Variants in RIT2 observed in about 807,000 individuals in gnomAD.
RIT2 encodes Ras like without CAAX 2.
A neutral mutation model predicts 23.7 loss-of-function variants in RIT2; 24 were observed. That is an observed-to-expected ratio of 1.01 (90% CI 0.73 to 1.43). The LOEUF (loss-of-function observed/expected upper bound fraction) is 1.43, where lower values mean the gene tolerates loss of function less well. Among genes scored for constraint, RIT2 ranks in the 40% most tolerant of loss-of-function variants. The pLI is 0.00. For synonymous variants in RIT2, 107 were observed against 91.1 expected, an observed-to-expected ratio of 1.17 and a Z score of -0.99; for missense variants, 236 against 266.9, an observed-to-expected ratio of 0.88 and a Z score of 0.81.
In RIT2 at chr18:42,911,120, A is replaced by G. The variant is rs77614001; in HGVS notation, c.426+12452T>C. On this transcript the variant is annotated intron_variant, in intron 4 of 4. Transcript: ENST00000326695. The stretch of plus-strand genomic sequence containing the variant: ...CAATGTATCAAAGAAGAGTATACCC[A>G]TAACAGAAACTCAGGGGGAAATTTT... Among the ~76,000 whole-genome samples, 759 of 152,236 alleles carry G rather than the reference A, an allele frequency of 5.0e-3. 6 individuals are homozygous for G. The highest frequency in any genetic ancestry group is 0.017 in the African/African-American group (715 of 41,564).
At chr18:43,091,619 C>T (rs1913425499) in intron 1 of RIT2, among the ~76,000 whole-genome samples, 1 of 152,052 alleles carries the variant, frequency 6.6e-6, no homozygotes, top group South Asian at 2.1e-4. Flanking sequence ...ACATGTGCCT[C>T]AGATTCCTTC....
At chr18:42,743,774 TA>T in intron 4 of RIT2, 54 bp from the exon 5 acceptor site, 1 of 1,329,394 alleles carries the variant, frequency 7.5e-7, no homozygotes, top group Non-Finnish European at 1.0e-6. Context: ...ACTCTTCAAT[TA>T]AAAATACGTT....
Position 43,033,865 on chromosome 18 carries a change from T to G in RIT2, c.106A>C (p.Met36Leu). 1 of 1,603,076 alleles carries G rather than the reference T, an allele frequency of 6.2e-7. No individual in the cohort carries two copies. Among genetic ancestry groups the G allele is most frequent in the Non-Finnish European group, 8.5e-7 (1 of 1,172,120 alleles). ...LGAGGVGKSA[M>L]TMQFISHQFP... ...TGATGACTAATAAACTGCATTGTCA[T>G]TGCTGAAAGAAAAAAAACACATTTT... Residue 36 changes from methionine (M) to leucine (L), a missense_variant and splice_region_variant, in exon 2 of 5, where the codon ATG (methionine) becomes CTG (leucine). Transcript: ENST00000326695.
chr18:43,027,629 CA>C (rs917358922), intron 2 of RIT2, among the ~76,000 whole-genome samples: 1 of 151,840 alleles, frequency 6.6e-6, no homozygotes, highest in Admixed American at 6.6e-5. Context: ...GCAAGGTCAT[CA>C]GTGAAGATGT....
intron 4 of RIT2, among the ~76,000 whole-genome samples, chr18:42,827,965 C>T (rs190942665): frequency 1.4e-3 from 194 of 136,550 alleles, no homozygotes; most frequent in Non-Finnish European, 2.3e-3. Context: ...GATCGCGCCA[C>T]TGCACTGCAG....
chr18:43,108,500 G>A (rs538662988), intron 1 of RIT2, among the ~76,000 whole-genome samples: 22 of 152,190 alleles, frequency 1.4e-4, no homozygotes, highest in Non-Finnish European at 2.9e-4. Context: ...AAGCAAATGC[G>A]TGAACGTAAA....
chr18:42,784,268 G>A (rs1408612449), intron 4 of RIT2, among the ~76,000 whole-genome samples: 2 of 108,116 alleles, frequency 1.8e-5, no homozygotes, highest in Admixed American at 8.6e-5. Context: ...TCTCCCTTGC[G>A]CTAAAAAAAA....
chr18:42,782,993 T>C (rs1403553037), intron 4 of RIT2, among the ~76,000 whole-genome samples: 1 of 152,072 alleles, frequency 6.6e-6, no homozygotes, highest in Non-Finnish European at 1.5e-5. Context: ...CAGTTATACA[T>C]GAGCAAACAT....
chr18:42,973,745 C>T (rs576144303), intron 3 of RIT2, among the ~76,000 whole-genome samples: 1 of 151,742 alleles, frequency 6.6e-6, no homozygotes, highest in African/African-American at 2.4e-5. Context: ...TTTATATTCA[C>T]CTAAAATTCT....
intron 2 of RIT2, among the ~76,000 whole-genome samples, chr18:43,009,403 C>T (rs893967516): frequency 6.6e-6 from 1 of 151,648 alleles, no homozygotes; most frequent in African/African-American, 2.4e-5. Flanking sequence ...TTTTCTTCTG[C>T]ACTCTCAGGT....
chr18:43,031,130 T>C (rs1911844534), intron 2 of RIT2, among the ~76,000 whole-genome samples: 2 of 151,910 alleles, frequency 1.3e-5, no homozygotes, highest in Non-Finnish European at 2.9e-5. Context: ...TCACTTGTTG[T>C]GCTGTCTTGT....
chr18:43,057,298 T>C (rs1912526320), intron 1 of RIT2, among the ~76,000 whole-genome samples: 1 of 152,150 alleles, frequency 6.6e-6, no homozygotes, highest in South Asian at 2.1e-4. Context: ...TTGAGTTAAA[T>C]CACAGAGGCC....
At chr18:42,804,756 T>G (rs1241183406) in intron 4 of RIT2, among the ~76,000 whole-genome samples, 1 of 151,926 alleles carries the variant, frequency 6.6e-6, no homozygotes, top group Non-Finnish European at 1.5e-5. Context: ...CACTTGAGGG[T>G]CTTTACCATC....
intron 2 of RIT2, among the ~76,000 whole-genome samples, chr18:43,022,134 T>C (rs1355471584): frequency 6.6e-6 from 1 of 152,064 alleles, no homozygotes; most frequent in Non-Finnish European, 1.5e-5. Flanking sequence ...CATAAAAAAA[T>C]GAAATCCTGG....
intron 2 of RIT2, among the ~76,000 whole-genome samples, chr18:43,015,076 A>T (rs568036342): frequency 1.3e-5 from 2 of 151,904 alleles, no homozygotes; most frequent in East Asian, 3.9e-4. Context: ...TATAAAGAAC[A>T]TGGTTGTGGG....
At chr18:42,776,015 A>G (rs1322539632) in intron 4 of RIT2, among the ~76,000 whole-genome samples, 1 of 152,206 alleles carries the variant, frequency 6.6e-6, no homozygotes, top group Non-Finnish European at 1.5e-5. Context: ...AATGCTATAA[A>G]AGCTCGAAGA....
At chr18:43,024,967 G>A (rs1462642624) in intron 2 of RIT2, among the ~76,000 whole-genome samples, 1 of 151,874 alleles carries the variant, frequency 6.6e-6, no homozygotes, top group Non-Finnish European at 1.5e-5. Flanking sequence ...CAGAACTTTG[G>A]GAGGCCAAGG....
chr18:43,076,911 G>A (rs1374704943), intron 1 of RIT2, among the ~76,000 whole-genome samples: 2 of 151,510 alleles, frequency 1.3e-5, no homozygotes, highest in African/African-American at 2.4e-5. Context: ...AGACCATCCC[G>A]GCTAAAACGG....
intron 4 of RIT2, among the ~76,000 whole-genome samples, chr18:42,789,143 ATGTT>A (rs889035308): frequency 5.9e-5 from 9 of 152,304 alleles, no homozygotes; most frequent in African/African-American, 1.9e-4. Flanking sequence ...GGGTGCCACT[ATGTT>A]TGTTCATTCT....
Sources: gnomAD v4.1 joint callset for allele counts (sites outside exome capture counted in the v4.1 genomes callset) on GRCh38, gnomAD v4.1.1 for gene constraint, MANE v1.5 for transcripts, NCBI Gene and HGNC (gene_info 2026-07-23, HGNC 2026-07-21) for gene names.